The following E2F8 variants were observed in gnomAD, a reference collection of about 807,000 sequenced individuals.
E2F8 encodes the protein E2F transcription factor 8.
Under a neutral mutation model 80.8 loss-of-function variants are expected in E2F8, and 35 were observed. That is an observed-to-expected ratio of 0.43 (90% CI 0.33 to 0.57). E2F8 has a LOEUF of 0.57. Ranked by LOEUF, E2F8 falls within the 20% of genes least tolerant of loss-of-function variation. The pLI is 0.04. For missense variants in E2F8, 975 were observed against 1,056.2 expected (o/e 0.92, Z 1.07); for synonymous variants, 386 against 395.0 (o/e 0.98, Z 0.27).
rs763216248 is a variant in E2F8 at position 19,225,179 on chromosome 11, A to T, written c.2421+42T>A. ...CTTATGACACAGATACTTGGGGCTT[A>T]GTAATTCCAGGAAAAATTAAATTAA... On this transcript the variant is annotated intron_variant, in intron 12 of 12. Transcript: ENST00000250024. 5.0e-6 allele frequency: 8 copies of T among 1,584,178 alleles called. No individual in the cohort carries two copies. In the Admixed American group the frequency reaches 1.2e-4, roughly 24 times the overall value.
intron 8 of E2F8, 150 bp downstream of exon 8, chr11:19,230,481 A>G: frequency 8.4e-7 from 1 of 1,196,282 alleles, no homozygotes; most frequent in Non-Finnish European, 1.2e-6. Context: ...ATGACTTTTT[A>G]AATTTATACA....
intron 7 of E2F8, among the ~76,000 whole-genome samples, chr11:19,231,431 G>A (rs1851377903): frequency 6.6e-6 from 1 of 152,188 alleles, no homozygotes; most frequent in Non-Finnish European, 1.5e-5. Context: ...TCACCAAGGA[G>A]AAAACTAATC....
intron 1 of E2F8, 27 bp from the exon 2 acceptor site, chr11:19,240,257 G>T (rs1851624368): frequency 2.1e-6 from 1 of 486,314 alleles, no homozygotes; most frequent in Non-Finnish European, 3.5e-6. Context: ...AATAGAAAAA[G>T]TTAGAGAAAA....
At chr11:19,234,338 C>T in intron 6 of E2F8, 22 bp downstream of exon 6, 1 of 1,610,586 alleles carries the variant, frequency 6.2e-7, no homozygotes. Flanking sequence ...GTTCAAAAAT[C>T]CATGGCAGTC....
intron 10 of E2F8, among the ~76,000 whole-genome samples, chr11:19,228,046 C>T (rs1851281027): frequency 6.6e-6 from 1 of 152,170 alleles, no homozygotes; most frequent in South Asian, 2.1e-4. Flanking sequence ...AATCATGCCA[C>T]TGCACTCCAT....
Position 19,232,235 on chromosome 11 carries a change from A to G in E2F8, c.1065T>C (p.Ser355=). ...WTGPEISPNT[S]GSSPVIHFTP... The stretch of plus-strand genomic sequence containing the variant: ...AGGGTGAAAGAAAAAAATACATACC[A>G]CTGGTATTTGGACTGATTTCTGGGC... Residue 355 remains serine, a splice_region_variant and synonymous_variant, in exon 7 of 13, where the codon AGT becomes AGC. Transcript: ENST00000250024. 6.2e-6 allele frequency: 10 copies of G among 1,612,232 alleles called. No homozygotes were observed. Among genetic ancestry groups the G allele is most frequent in the Non-Finnish European group, 8.5e-6 (10 of 1,179,550 alleles).
chr11:19,231,282 G>A (rs2133565051), intron 7 of E2F8, among the ~76,000 whole-genome samples: 1 of 152,252 alleles, frequency 6.6e-6, no homozygotes, highest in East Asian at 1.9e-4. Context: ...CTCTCAACTG[G>A]GAGCATGTGG....
chr11:19,231,745 T>C (rs1262922608), intron 7 of E2F8, among the ~76,000 whole-genome samples: 4 of 152,218 alleles, frequency 2.6e-5, no homozygotes, highest in African/African-American at 9.6e-5. Flanking sequence ...CCGAATGCTT[T>C]CACATACAGA....
At chr11:19,230,087 C>T (rs1406318792) in intron 9 of E2F8, 99 bp from the exon 10 acceptor site, 4 of 1,538,604 alleles carry the variant, frequency 2.6e-6, no homozygotes, top group African/African-American at 1.4e-5. Flanking sequence ...TTTTATGGAA[C>T]ATGCAGATAA....
intron 6 of E2F8, among the ~76,000 whole-genome samples, chr11:19,234,124 G>A (rs1411093988): frequency 8.1e-6 from 1 of 124,176 alleles, no homozygotes; most frequent in African/African-American, 3.2e-5. Context: ...CTCCAGCCTA[G>A]CAAAAGAGCT....
intron 4 of E2F8, 124 bp downstream of exon 4, chr11:19,237,190 A>G: frequency 1.0e-6 from 1 of 975,548 alleles, no homozygotes; most frequent in Non-Finnish European, 1.5e-6. Flanking sequence ...GAGATAGAAA[A>G]TTTCCATGCC....
At chr11:19,235,885 T>A (rs1189754927) in intron 4 of E2F8, among the ~76,000 whole-genome samples, 1 of 152,222 alleles carries the variant, frequency 6.6e-6, no homozygotes, top group African/African-American at 2.4e-5. Context: ...ATGTAGTTTT[T>A]AAAAACTTAC....
chr11:19,228,723 C>T (rs748706231), intron 10 of E2F8, among the ~76,000 whole-genome samples: 2 of 152,122 alleles, frequency 1.3e-5, no homozygotes, highest in Non-Finnish European at 2.9e-5. Context: ...TGGTATTTAT[C>T]GGATGATACA....
At position 19,234,449 on chromosome 11, in the gene E2F8, G is replaced by A; in HGVS notation, c.839C>T (p.Ser280Leu). The A allele has an allele frequency of 6.2e-7, 1 of 1,614,184 alleles. No individual in the cohort carries two copies. The highest frequency in any genetic ancestry group is 8.5e-7 in the Non-Finnish European group (1 of 1,180,036). ...SQKFVMLFLV[S>L]TPQIVSLEVA... is the part of the protein sequence containing the mutation. ...TTCTAGGCTTACTATCTGAGGCGTT[G>A]ACACCAAAAACAGCATCACAAATTT... The change falls in exon 6 of 13, where the codon TCA becomes TTA. Residue 280 changes from serine to leucine, a missense_variant. By Grantham distance (145) the Ser-to-Leu change is moderately radical. Coordinates refer to ENST00000250024, the MANE Select transcript of E2F8 (RefSeq NM_024680.4).
chr11:19,233,799 T>C (rs1473046848), intron 6 of E2F8, among the ~76,000 whole-genome samples: 3 of 151,954 alleles, frequency 2.0e-5, no homozygotes, highest in East Asian at 1.9e-4. Flanking sequence ...TGTTTACTTT[T>C]GAGAACAATG....
rs1490850264 is a variant in E2F8 at position 19,230,718 on chromosome 11, G to A, written c.1183C>T (p.Pro395Ser). 2 of 1,614,002 alleles carry A rather than the reference G, an allele frequency of 1.2e-6. No homozygotes were observed. The highest frequency in any genetic ancestry group is 2.7e-5 in the African/African-American group (2 of 74,890). ...CTCTTTACCAATTTGATAAGAGATG[G>A]GTGTCGAGTAAAGTTTGGTTTCCCA... The part of the protein sequence containing the change: ...TRGKPNFTRH[P>S]SLIKLVKSIE... Residue 395 changes from proline to serine, a missense_variant, in exon 8 of 13, where the codon CCA becomes TCA. Coordinates refer to ENST00000250024, the MANE Select transcript of E2F8 (RefSeq NM_024680.4).
chr11:19,227,510 C>T (rs1851266010), intron 10 of E2F8, among the ~76,000 whole-genome samples: 1 of 152,084 alleles, frequency 6.6e-6, no homozygotes, highest in Non-Finnish European at 1.5e-5. Flanking sequence ...ATCTTTTAAC[C>T]TATGCCAATT....
At position 19,224,960 on chromosome 11, in the gene E2F8, A is replaced by C. The variant is rs1851190327; in HGVS notation, c.2422-120T>G. 3.8e-6 allele frequency: 5 copies of C among 1,298,904 alleles called. No homozygotes were observed. In the Admixed American group the frequency reaches 1.3e-4, roughly 33 times the overall value. 80.5% of individuals were successfully genotyped at this position (1,298,904 alleles called of 1,614,324 possible). A position where few individuals can be genotyped will look rare whatever the true frequency, so the allele number is the denominator to read the frequency against. On this transcript the variant is annotated intron_variant, in intron 12 of 12. Transcript: ENST00000250024. ...CACATTGGGAAACTGGCGTATCTTG[A>C]AATTGGCGAGGGAAGCTTTGGTGAG...
chr11:19,229,847 G>A lies in E2F8; in HGVS notation c.1500C>T (p.Ile500=), dbSNP rs555898969. The A allele has an allele frequency of 6.2e-7, 1 of 1,613,934 alleles. No homozygotes were observed. The highest frequency in any genetic ancestry group is 1.1e-5 in the South Asian group (1 of 91,042). The part of the protein sequence containing the change: ...LIQPLGMVPL[I]PSPLSSAVPL... ...GCACTGCTGATGACAAGGGGCTGGGGATCAGGGGAACCATTCCCAGGGGCT... is the reference window on the plus strand; with the variant it reads ...GCACTGCTGATGACAAGGGGCTGGGAATCAGGGGAACCATTCCCAGGGGCT... The change falls in exon 10 of 13, where the codon ATC becomes ATT. Residue 500 remains isoleucine (I), a synonymous_variant. Coordinates refer to ENST00000250024, the MANE Select transcript of E2F8 (RefSeq NM_024680.4). This position sits in a 1 kb window ranked among gnomAD's most constrained non-coding sequence, Gnocchi z 4.3.
Sources: gnomAD v4.1 joint callset for allele counts (sites outside exome capture counted in the v4.1 genomes callset) on GRCh38, gnomAD v4.1.1 for gene constraint, Gnocchi (gnomAD v3.1) non-coding constraint, MANE v1.5 for transcripts, NCBI Gene and HGNC (gene_info 2026-07-23, HGNC 2026-07-21) for gene names.